The following CDH12 variants were observed in gnomAD, a reference collection of about 807,000 sequenced individuals.
The protein encoded by CDH12 is cadherin 12.
In CDH12, 41 loss-of-function variants were observed where a neutral mutation model predicts 74.1. The ratio of observed to expected loss-of-function variants is 0.55; its 90% confidence interval spans 0.43 to 0.72. The LOEUF is 0.72. CDH12 is among the 30% of genes least tolerant of loss of function. The pLI is 0.00. For synonymous variants in CDH12, 399 were observed against 355.0 expected (o/e 1.12, Z -1.39); for missense variants, 945 against 977.2 (o/e 0.97, Z 0.44).
chr5:21,873,031 A>G (rs1454984021), intron 6 of CDH12, among the ~76,000 whole-genome samples: 1 of 152,136 alleles, frequency 6.6e-6, no homozygotes, highest in Non-Finnish European at 1.5e-5. Flanking sequence ...ACGTGTGTGT[A>G]TAAACTAGCA....
intron 1 of CDH12, among the ~76,000 whole-genome samples, chr5:22,584,081 A>AATTT (rs3047309): frequency 0.078 from 11,445 of 147,446 alleles, 603 homozygotes; most frequent in East Asian, 0.24. Flanking sequence ...TTGTTTGCGG[A>AATTT]ATTTATTTAT....
chr5:21,886,259 G>A (rs1208020541), intron 6 of CDH12, among the ~76,000 whole-genome samples: 2 of 151,218 alleles, frequency 1.3e-5, no homozygotes, highest in South Asian at 2.1e-4. Flanking sequence ...TTCATCTTTG[G>A]TATTCTAATA....
At chr5:22,642,081 C>G (rs962304562) in intron 1 of CDH12, among the ~76,000 whole-genome samples, 5 of 152,142 alleles carry the variant, frequency 3.3e-5, no homozygotes, top group African/African-American at 1.2e-4. Context: ...GACAATGTAG[C>G]ACTTAGGAAT....
intron 5 of CDH12, among the ~76,000 whole-genome samples, chr5:22,067,573 A>G (rs1263427909): frequency 6.6e-6 from 1 of 152,134 alleles, no homozygotes; most frequent in Non-Finnish European, 1.5e-5. Context: ...TCTGCTGTTT[A>G]GGCTATACGA....
At chr5:22,516,497 TA>T (rs1736811975) in intron 1 of CDH12, among the ~76,000 whole-genome samples, 2 of 152,126 alleles carry the variant, frequency 1.3e-5, no homozygotes, top group African/African-American at 4.8e-5. Flanking sequence ...ACACACAATA[TA>T]ATGTTAATAA....
chr5:22,510,887 A>G (rs901399034), intron 1 of CDH12, among the ~76,000 whole-genome samples: 3 of 151,034 alleles, frequency 2.0e-5, no homozygotes, highest in Admixed American at 6.6e-5. Flanking sequence ...AGTCAAGAAC[A>G]TATATAATTT....
At chr5:22,378,571 C>T (rs747690283) in intron 3 of CDH12, among the ~76,000 whole-genome samples, 1 of 151,946 alleles carries the variant, frequency 6.6e-6, no homozygotes, top group Non-Finnish European at 1.5e-5. Context: ...CCAAAAATGA[C>T]CACTAATAAA....
chr5:22,389,947 C>T (rs192877481), intron 3 of CDH12, among the ~76,000 whole-genome samples: 34 of 151,098 alleles, frequency 2.3e-4, no homozygotes, highest in Non-Finnish European at 1.9e-4. Context: ...CGTGCCTGGC[C>T]GACAATTGAT....
intron 1 of CDH12, among the ~76,000 whole-genome samples, chr5:22,784,913 A>G (rs1747550539): frequency 1.3e-5 from 2 of 152,232 alleles, no homozygotes; most frequent in South Asian, 4.1e-4. Context: ...TAAACTTAAA[A>G]CATTTCAAGT....
chr5:22,380,547 AACT>A (rs888625228), intron 3 of CDH12, among the ~76,000 whole-genome samples: 6 of 152,106 alleles, frequency 3.9e-5, no homozygotes, highest in African/African-American at 1.4e-4. Flanking sequence ...ACAAAAAAAA[AACT>A]ACTATGTACT....
intron 9 of CDH12, among the ~76,000 whole-genome samples, chr5:21,813,615 C>T (rs961580905): frequency 6.6e-6 from 1 of 152,144 alleles, no homozygotes; most frequent in Non-Finnish European, 1.5e-5. Flanking sequence ...CTGGCGAGCC[C>T]GTCATCTCTG....
At chr5:22,616,556 G>A (rs972831054) in intron 1 of CDH12, among the ~76,000 whole-genome samples, 1 of 151,780 alleles carries the variant, frequency 6.6e-6, no homozygotes, top group Non-Finnish European at 1.5e-5. Flanking sequence ...CTCTGTTGGA[G>A]GTATTTAAAA....
chr5:22,547,557 T>C (rs1418329323), intron 1 of CDH12, among the ~76,000 whole-genome samples: 1 of 152,216 alleles, frequency 6.6e-6, no homozygotes, highest in African/African-American at 2.4e-5. Context: ...TCTTTCTATT[T>C]CTGGTGCATT....
chr5:22,223,485 A>G (rs1438309667), intron 3 of CDH12, among the ~76,000 whole-genome samples: 1 of 152,080 alleles, frequency 6.6e-6, no homozygotes, highest in African/African-American at 2.4e-5. Context: ...GGGCTGCACC[A>G]TTAAGTCAGT....
chr5:22,800,389 T>C (rs1175791949), intron 1 of CDH12, among the ~76,000 whole-genome samples: 3 of 152,180 alleles, frequency 2.0e-5, no homozygotes, highest in Non-Finnish European at 2.9e-5. Flanking sequence ...GTTTTTATAA[T>C]AGATATTTTT....
intron 3 of CDH12, among the ~76,000 whole-genome samples, chr5:22,389,515 T>C (rs1742138323): frequency 6.6e-6 from 1 of 152,112 alleles, no homozygotes; most frequent in African/African-American, 2.4e-5. Context: ...AGGTAAAAAA[T>C]ACAATATTTC....
chr5:22,243,991 T>C (rs571807284), intron 3 of CDH12, among the ~76,000 whole-genome samples: 1 of 152,176 alleles, frequency 6.6e-6, no homozygotes, highest in African/African-American at 2.4e-5. Flanking sequence ...ATTGGGATCT[T>C]AAAGAGTCTT....
chr5:22,718,808 C>T (rs1345530567), intron 1 of CDH12, among the ~76,000 whole-genome samples: 4 of 152,152 alleles, frequency 2.6e-5, no homozygotes, highest in African/African-American at 9.7e-5. Flanking sequence ...AGGGGGCATT[C>T]CTCTGTGTAT....
intron 1 of CDH12, among the ~76,000 whole-genome samples, chr5:22,772,971 A>T (rs1746890509): frequency 6.6e-6 from 1 of 152,130 alleles, no homozygotes; most frequent in Admixed American, 6.6e-5. Flanking sequence ...CTCTACAAGG[A>T]GAACTACGAA....
Sources: allele counts gnomAD v4.1 joint callset (sites outside exome capture counted in the v4.1 genomes callset), GRCh38; gene constraint gnomAD v4.1.1; transcripts MANE v1.5; gene names NCBI Gene and HGNC (gene_info 2026-07-23, HGNC 2026-07-21).